AP2B1: variants seen among roughly 807,000 people sequenced by gnomAD.
AP2B1 encodes the protein adaptor related protein complex 2 subunit beta 1, also known as AP-2 complex subunit beta.
Under a neutral mutation model 102.0 loss-of-function variants are expected in AP2B1, and 23 were observed. The observed-to-expected ratio is 0.23, with a 90% CI of 0.16 to 0.32. The LOEUF (loss-of-function observed/expected upper bound fraction) is 0.32. AP2B1 is among the 10% of genes least tolerant of loss of function. The pLI is 1.00. For synonymous variants in AP2B1, 381 were observed against 421.2 expected, an observed-to-expected ratio of 0.90 and a Z score of 1.17; for missense variants, 541 against 1,157.4, an observed-to-expected ratio of 0.47 and a Z score of 7.73.
At chr17:35,688,586 T>A (rs1295802010) in intron 18 of AP2B1, among the ~76,000 whole-genome samples, 1 of 152,202 alleles carries the variant, frequency 6.6e-6, no homozygotes, top group Non-Finnish European at 1.5e-5. Flanking sequence ...GACGTCTTGC[T>A]ATTTGGATGT....
At chr17:35,667,652 A>G (rs983196639) in intron 14 of AP2B1, among the ~76,000 whole-genome samples, 1 of 152,224 alleles carries the variant, frequency 6.6e-6, no homozygotes, top group African/African-American at 2.4e-5. Flanking sequence ...TTTGGTCTAA[A>G]CACTACCCAT....
intron 17 of AP2B1, among the ~76,000 whole-genome samples, chr17:35,678,166 T>C (rs956663625): frequency 1.3e-5 from 2 of 152,078 alleles, no homozygotes; most frequent in African/African-American, 4.8e-5. Context: ...CAGCAGTAAA[T>C]AGTATTTTTA....
intron 14 of AP2B1, among the ~76,000 whole-genome samples, chr17:35,667,124 A>G (rs2075484929): frequency 6.6e-6 from 1 of 152,106 alleles, no homozygotes; most frequent in African/African-American, 2.4e-5. Context: ...AGGAGAGGCC[A>G]CTCACTGGGT....
At chr17:35,668,442 C>T (rs1030613795) in intron 14 of AP2B1, among the ~76,000 whole-genome samples, 14 of 152,036 alleles carry the variant, frequency 9.2e-5, no homozygotes, top group Admixed American at 2.6e-4. Context: ...TCTCTGGGGG[C>T]GAGTACTTTT....
chr17:35,711,080 A>G (rs1163781532), intron 20 of AP2B1, among the ~76,000 whole-genome samples: 8 of 152,188 alleles, frequency 5.3e-5, no homozygotes, highest in African/African-American at 1.7e-4. Flanking sequence ...AATAGCAGCT[A>G]TTAGTCCCTT....
intron 1 of AP2B1, among the ~76,000 whole-genome samples, chr17:35,588,274 G>C (rs987564836): frequency 1.3e-5 from 2 of 151,898 alleles, no homozygotes; most frequent in Non-Finnish European, 2.9e-5. Context: ...GAACTCACGC[G>C]GATGCTTCAT....
At chr17:35,594,130 C>G in intron 2 of AP2B1, 63 bp downstream of exon 2, 1 of 1,201,454 alleles carries the variant, frequency 8.3e-7, no homozygotes, top group Non-Finnish European at 1.2e-6. Flanking sequence ...AAGATTGCCC[C>G]AGGCAGAATG....
At chr17:35,617,185 A>G (rs1268367710) in intron 5 of AP2B1, among the ~76,000 whole-genome samples, 5 of 152,170 alleles carry the variant, frequency 3.3e-5, no homozygotes, top group Non-Finnish European at 7.3e-5. Context: ...CCTTCTGAGT[A>G]GCTGAGAGTA....
intron 13 of AP2B1, among the ~76,000 whole-genome samples, chr17:35,656,481 A>T (rs896357235): frequency 1.7e-4 from 26 of 152,202 alleles, no homozygotes; most frequent in African/African-American, 5.8e-4. Context: ...CTTCATGTCC[A>T]TTCTCCTAAC....
In AP2B1 at chr17:35,726,202, T is replaced by TC. The variant is rs1315583349; in HGVS notation, c.*2506dup. On this transcript the variant is annotated 3_prime_UTR_variant, in exon 22 of 22. Coordinates refer to ENST00000610402, the MANE Select transcript of AP2B1 (RefSeq NM_001030006.2). ...CAGAACTCTTTTGCTGGTCAGAGAT[T>TC]CCCTGAGTGTCTGTCCTCACCCAAG... 1.3e-5 allele frequency: 2 copies of TC among 151,900 alleles called. No individual in the cohort carries two copies. Among genetic ancestry groups the TC allele is most frequent in the Non-Finnish European group, 2.9e-5 (2 of 67,984 alleles). 9.4% of individuals were successfully genotyped at this position (151,900 alleles called of 1,614,324 possible).
rs1167461199 is a variant in AP2B1 at position 35,682,193 on chromosome 17, T to C, written c.2325-502T>C. ...TCACTTAAACCTGGAAGTTGAGGGC[T>C]GTGGTGAGCTGAGCTGAAATCATGC... On this transcript the variant is annotated intron_variant, in intron 17 of 21. Coordinates refer to ENST00000610402, the MANE Select transcript of AP2B1 (RefSeq NM_001030006.2). Among the ~76,000 whole-genome samples, 3 of 151,606 alleles carry C rather than the reference T, an allele frequency of 2.0e-5. No homozygotes were observed. The East Asian group carries it at 5.8e-4, about 29-fold the overall frequency.
At chr17:35,597,046 G>A in intron 2 of AP2B1, 1 of 585,166 alleles carries the variant, frequency 1.7e-6, no homozygotes, top group Non-Finnish European at 3.2e-6. Flanking sequence ...CCCGTTGTGG[G>A]GGCCGTGGCC....
intron 18 of AP2B1, among the ~76,000 whole-genome samples, chr17:35,691,037 C>T (rs893581440): frequency 6.6e-6 from 1 of 151,892 alleles, no homozygotes; most frequent in Non-Finnish European, 1.5e-5. Context: ...TAAACATTGT[C>T]GAATAAGAGG....
chr17:35,656,065 A>G (rs9900358), intron 13 of AP2B1, among the ~76,000 whole-genome samples: 1,795 of 152,228 alleles, frequency 0.012, 32 homozygotes, highest in African/African-American at 0.041. Context: ...TCTTTTCCCA[A>G]TCTCTTAATG....
chr17:35,680,046 A>G (rs10438814), intron 17 of AP2B1, among the ~76,000 whole-genome samples: 131,138 of 151,628 alleles, frequency 0.86, 57,034 homozygotes, highest in East Asian at 0.97. Context: ...GGAATTACAG[A>G]CGCCCACGAC....
intron 18 of AP2B1, among the ~76,000 whole-genome samples, chr17:35,706,748 C>G (rs1247544584): frequency 6.6e-6 from 1 of 152,040 alleles, no homozygotes; most frequent in Non-Finnish European, 1.5e-5. Context: ...TCAAGTGATT[C>G]TCCTGCCTCA....
In AP2B1 at chr17:35,608,218, C is replaced by T; in HGVS notation, c.356C>T (p.Thr119Ile). 1 of 1,614,132 alleles carries T rather than the reference C, an allele frequency of 6.2e-7. No individual in the cohort carries two copies. The highest frequency in any genetic ancestry group is 8.5e-7 in the Non-Finnish European group (1 of 1,180,026). The change falls in exon 5 of 22, where the codon ACA (threonine) becomes ATA (isoleucine). Residue 119 changes from threonine to isoleucine, a missense_variant. Physicochemically the swap from Thr to Ile is moderately conservative, Grantham distance 89. Around this residue, in one of 10 missense-constraint regions of AP2B1, gnomAD observed 28 missense variants for 98.3 expected, o/e 0.28. Coordinates refer to ENST00000610402, the MANE Select transcript of AP2B1 (RefSeq NM_001030006.2). Reference sequence around the variant, plus strand: ...GGGTGCATCCGGGTAGACAAAATTACAGAATATCTCTGTGAGCCGCTCCGC... The same window carrying T: ...GGGTGCATCCGGGTAGACAAAATTATAGAATATCTCTGTGAGCCGCTCCGC... ...TMGCIRVDKI[T>I]EYLCEPLRKC...
At chr17:35,651,584 A>G (rs1240347893) in intron 13 of AP2B1, among the ~76,000 whole-genome samples, 1 of 152,142 alleles carries the variant, frequency 6.6e-6, no homozygotes, top group Non-Finnish European at 1.5e-5. Flanking sequence ...AGTGTCTTGT[A>G]CCATTGTCTA....
chr17:35,601,509 TC>T (rs1252005795), intron 3 of AP2B1, among the ~76,000 whole-genome samples: 1 of 152,168 alleles, frequency 6.6e-6, no homozygotes, highest in Non-Finnish European at 1.5e-5. Context: ...CGCCAAGTGA[TC>T]CGCCTGCCTT....
Sources: allele counts gnomAD v4.1 joint callset (sites outside exome capture counted in the v4.1 genomes callset), GRCh38; gene constraint gnomAD v4.1.1; regional missense constraint gnomAD v4.1.1; transcripts MANE v1.5; gene names NCBI Gene and HGNC (gene_info 2026-07-23, HGNC 2026-07-21).